Variants in POPDC2 observed in about 807,000 individuals in gnomAD.
POPDC2 encodes the protein popeye domain-containing protein 2.
POPDC2 carries 24 observed loss-of-function variants against 30.5 expected under a neutral mutation model. The observed-to-expected ratio is 0.79, with a 90% CI of 0.57 to 1.11. The LOEUF (loss-of-function observed/expected upper bound fraction) is 1.11, where lower values mean the gene tolerates loss of function less well. POPDC2 is among the 50% of genes least tolerant of loss of function. The probability of loss-of-function intolerance (pLI) is 0.00; values close to 1 mark genes in which losing one functional copy is unlikely to be tolerated. For missense variants in POPDC2, 409 were observed against 447.0 expected (o/e 0.91, Z 0.77); for synonymous variants, 185 against 183.3 (o/e 1.01, Z -0.07).
chr3:119,660,157 C>T lies in POPDC2; in HGVS notation c.267G>A (p.Leu89=), dbSNP rs1475178592. 1.2e-6 allele frequency: 2 copies of T among 1,614,114 alleles called. No individual in the cohort carries two copies. The highest frequency in any genetic ancestry group is 1.3e-5 in the African/African-American group (1 of 74,942). ...GGTATACCAGGTGTGCCAGCTGGAG[C>T]AGGCAGACCACAGCCAGCAGGAAGC... is the stretch of plus-strand genomic sequence containing the variant. ...LWSFLLAVVC[L]LQLAHLVYRL... Residue 89 remains leucine (L), a synonymous_variant, in exon 1 of 4, where the codon CTG becomes CTA. Transcript: ENST00000493094.
chr3:119,660,082 C>T lies in POPDC2; in HGVS notation c.342G>A (p.Thr114=), dbSNP rs904799476. ...GGGGCACCTGCAAGGGCAGGCACAG[C>T]GTCTTGTAGAGGAGGTCAAACTCCT... The part of the protein sequence containing the change: ...LPEEFDLLYK[T]LCLPLQVPLQ... Residue 114 remains threonine, a synonymous_variant, in exon 1 of 4, where the codon ACG becomes ACA. Transcript: ENST00000493094. 9.3e-6 allele frequency: 15 copies of T among 1,614,070 alleles called. No individual in the cohort carries two copies. The African/African-American group carries it at 1.3e-4, about 14-fold the overall frequency.
chr3:119,648,121 A>C lies in POPDC2; in HGVS notation c.*41T>G. On this transcript the variant is annotated splice_region_variant and 3_prime_UTR_variant, in exon 3 of 4. Coordinates refer to ENST00000493094, the MANE Select transcript of POPDC2 (RefSeq NM_001369919.2). Reference sequence around the variant, plus strand: ...GCGGCTGCCTTCTGAGTACTTACATAGGATCCTGAGCCGGTGGCTGTGCCC... The same window carrying C: ...GCGGCTGCCTTCTGAGTACTTACATCGGATCCTGAGCCGGTGGCTGTGCCC... The C allele has an allele frequency of 6.9e-7, 1 of 1,459,228 alleles. No homozygotes were observed. The highest frequency in any genetic ancestry group is 1.4e-5 in the South Asian group (1 of 71,222). The allele number at this position is 1,459,228 out of a possible 1,614,324, so 90.4% of individuals were successfully genotyped here.
intron 2 of POPDC2, among the ~76,000 whole-genome samples, chr3:119,653,586 T>A (rs1407085725): frequency 6.6e-6 from 1 of 151,902 alleles, no homozygotes; most frequent in African/African-American, 2.4e-5. Flanking sequence ...CACGCCATTC[T>A]CCTGCCTCAG....
In POPDC2 at chr3:119,660,346, T is replaced by C. The variant is rs375535459; in HGVS notation, c.78A>G (p.Glu26=). 3.1e-6 allele frequency: 5 copies of C among 1,614,002 alleles called. No individual in the cohort carries two copies. The highest frequency in any genetic ancestry group is 2.7e-5 in the African/African-American group (2 of 74,890). Residue 26 remains glutamate (E), a synonymous_variant, in exon 1 of 4, where the codon GAA becomes GAG. Coordinates refer to ENST00000493094, the MANE Select transcript of POPDC2 (RefSeq NM_001369919.2). ...SACIRWKQDV[E]GAVYHLANCL... is the part of the protein sequence containing the mutation. ...AGTTGGCTAGGTGGTAGACAGCCCC[T>C]TCCACATCCTGCTTCCACCTAATGC...
At chr3:119,654,895 T>A (rs1202781374) in intron 1 of POPDC2, among the ~76,000 whole-genome samples, 1 of 151,884 alleles carries the variant, frequency 6.6e-6, no homozygotes, top group Non-Finnish European at 1.5e-5. Context: ...GGGAAGCTTT[T>A]AAAAAAAAGC....
At chr3:119,653,282 A>G (rs2052836405) in intron 2 of POPDC2, among the ~76,000 whole-genome samples, 1 of 152,212 alleles carries the variant, frequency 6.6e-6, no homozygotes, top group Non-Finnish European at 1.5e-5. Flanking sequence ...ATGAGGCAAT[A>G]TGATACGTAG....
intron 3 of POPDC2, among the ~76,000 whole-genome samples, chr3:119,645,883 G>C (rs2052741121): frequency 6.6e-6 from 1 of 152,150 alleles, no homozygotes; most frequent in African/African-American, 2.4e-5. Context: ...GGGGGTTCCT[G>C]GGGACAGCTG....
intron 2 of POPDC2, among the ~76,000 whole-genome samples, chr3:119,651,055 A>G (rs941823364): frequency 2.0e-5 from 3 of 152,112 alleles, no homozygotes; most frequent in African/African-American, 7.2e-5. Context: ...CTGTATCTAG[A>G]CAATATATGC....
intron 3 of POPDC2, among the ~76,000 whole-genome samples, chr3:119,643,214 C>T (rs1474081306): frequency 6.6e-6 from 1 of 152,254 alleles, no homozygotes; most frequent in South Asian, 2.1e-4. Flanking sequence ...AAAAACCTTA[C>T]AGCTGCTTCT....
Position 119,645,461 on chromosome 3 carries a change from C to T in POPDC2, c.*43+2658G>A, listed in dbSNP as rs538699393. Among the ~76,000 whole-genome samples the T allele has an allele frequency of 2.5e-4, 38 of 151,282 alleles. 1 individual carries two copies. The South Asian group carries it at 7.9e-3, about 32-fold the overall frequency. On this transcript the variant is annotated intron_variant, in intron 3 of 3. Coordinates refer to ENST00000493094, the MANE Select transcript of POPDC2 (RefSeq NM_001369919.2). ...CCTATAGTCCCAGCTACTCGGGAGG[C>T]TGAGGCAGGAGAATGGCGGTGAACC... is the stretch of plus-strand genomic sequence containing the variant.
intron 1 of POPDC2, 41 bp from the exon 2 acceptor site, chr3:119,654,654 T>A (rs749923831): frequency 1.3e-6 from 2 of 1,489,192 alleles, no homozygotes; most frequent in Non-Finnish European, 9.4e-7. Flanking sequence ...AAAAGGAAAA[T>A]GGCTCTCCAA....
Position 119,648,678 on chromosome 3 carries a change from G to T in POPDC2, c.601-10C>A, listed in dbSNP as rs781230040. 5.0e-6 allele frequency: 8 copies of T among 1,600,926 alleles called. No individual in the cohort carries two copies. Among genetic ancestry groups the T allele is most frequent in the Non-Finnish European group, 6.8e-6 (8 of 1,173,586 alleles). On this transcript the variant is annotated splice_polypyrimidine_tract_variant and intron_variant, in intron 2 of 3. Transcript: ENST00000493094. ...CAGCAGTCAGAGTGACCTGAGAGGGGTCAGAAGCAGACAATAAAAGTTTAA... is the reference window on the plus strand; with the variant it reads ...CAGCAGTCAGAGTGACCTGAGAGGGTTCAGAAGCAGACAATAAAAGTTTAA...
Position 119,660,221 on chromosome 3 carries a change from C to T in POPDC2, c.203G>A (p.Gly68Asp), listed in dbSNP as rs2052926538. 6.2e-7 allele frequency: 1 copy of T among 1,614,056 alleles called. No homozygotes were observed. Among genetic ancestry groups the T allele is most frequent in the Non-Finnish European group, 8.5e-7 (1 of 1,180,044 alleles). Residue 68 changes from glycine to aspartate, a missense_variant, in exon 1 of 4, where the codon GGC (glycine) becomes GAC (aspartate). Transcript: ENST00000493094. ...SAGYLCCVLWGWFSACGLDIV... is the reference protein window; with the variant it reads ...SAGYLCCVLWDWFSACGLDIV... ...GTCCAGGCCACAGGCACTGAACCAG[C>T]CCCACAGCACGCAGCACAGGTAACC...
chr3:119,650,289 C>T (rs989822624), intron 2 of POPDC2, among the ~76,000 whole-genome samples: 2 of 152,116 alleles, frequency 1.3e-5, no homozygotes, highest in African/African-American at 2.4e-5. Flanking sequence ...AATTCTTTTT[C>T]TCGAATTCAC....
At chr3:119,644,073 T>C (rs2052718739) in intron 3 of POPDC2, among the ~76,000 whole-genome samples, 1 of 151,622 alleles carries the variant, frequency 6.6e-6, no homozygotes, top group South Asian at 2.1e-4. Flanking sequence ...TAGTAAATAG[T>C]GTTTATTGAA....
chr3:119,648,040 T>A, intron 3 of POPDC2, 79 bp downstream of exon 3: 1 of 1,171,476 alleles, frequency 8.5e-7, no homozygotes, highest in Non-Finnish European at 1.2e-6. Context: ...GTTCCACGAA[T>A]GATTTTTTTT....
At chr3:119,655,452 T>C (rs2052868606) in intron 1 of POPDC2, among the ~76,000 whole-genome samples, 1 of 152,264 alleles carries the variant, frequency 6.6e-6, no homozygotes, top group South Asian at 2.1e-4. Context: ...ACATATGGCC[T>C]GTGACTACCA....
intron 1 of POPDC2, among the ~76,000 whole-genome samples, chr3:119,656,169 G>C (rs2107822617): frequency 6.6e-6 from 1 of 152,276 alleles, no homozygotes; most frequent in Admixed American, 6.5e-5. Flanking sequence ...TGGCTATAGA[G>C]AAAATAAACT....
At chr3:119,648,932 A>T (rs1308436578) in intron 2 of POPDC2, among the ~76,000 whole-genome samples, 1 of 152,192 alleles carries the variant, frequency 6.6e-6, no homozygotes, top group Non-Finnish European at 1.5e-5. Context: ...CAGTTTCCAC[A>T]TCCACTTTCC....
Sources: gnomAD v4.1 joint callset for allele counts (sites outside exome capture counted in the v4.1 genomes callset) on GRCh38, gnomAD v4.1.1 for gene constraint, MANE v1.5 for transcripts, NCBI Gene and HGNC (gene_info 2026-07-23, HGNC 2026-07-21) for gene names.